Variants in GLI3 observed in about 807,000 individuals in gnomAD.
GLI3 encodes GLI family zinc finger 3.
GLI3 carries 20 observed loss-of-function variants against 100.8 expected under a neutral mutation model. That is an observed-to-expected ratio of 0.20 (90% confidence interval 0.14 to 0.29). GLI3 has a LOEUF of 0.29. GLI3 is among the 10% of genes least tolerant of loss of function. The probability of loss-of-function intolerance (pLI) is 1.00; values close to 1 mark genes in which losing one functional copy is unlikely to be tolerated. For missense variants in GLI3, 2,040 were observed against 2,128.5 expected (o/e 0.96, Z 0.82); for synonymous variants, 938 against 860.5 (o/e 1.09, Z -1.58).
chr7:42,189,994 AC>A (rs1418450283), intron 2 of GLI3, among the ~76,000 whole-genome samples: 1 of 118,694 alleles, frequency 8.4e-6, no homozygotes, highest in African/African-American at 3.3e-5. Context: ...ACACACACAC[AC>A]ACACACACAC....
intron 3 of GLI3, among the ~76,000 whole-genome samples, chr7:42,141,005 G>T (rs1279141305): frequency 1.3e-5 from 2 of 152,148 alleles, no homozygotes; most frequent in Non-Finnish European, 2.9e-5. Context: ...GTGCCATTTG[G>T]GTGGGTGCCA....
chr7:42,170,404 T>C (rs1230411219), intron 2 of GLI3, among the ~76,000 whole-genome samples: 1 of 134,070 alleles, frequency 7.5e-6, no homozygotes, highest in Admixed American at 7.4e-5. Flanking sequence ...GATCTTTTTT[T>C]TTTTTTTTTT....
At chr7:42,116,699 T>G (rs1472312924) in intron 3 of GLI3, among the ~76,000 whole-genome samples, 1 of 152,162 alleles carries the variant, frequency 6.6e-6, no homozygotes, top group Non-Finnish European at 1.5e-5. Flanking sequence ...TTGCCTCAGT[T>G]ACAGAGGTCA....
At chr7:42,239,379 A>G (rs1403939297), upstream of GLI3, among the ~76,000 whole-genome samples, 1 of 152,204 alleles carries the variant, frequency 6.6e-6, no homozygotes, top group Non-Finnish European at 1.5e-5. Flanking sequence ...AATACATGGA[A>G]AAGTATAGAG....
At chr7:42,113,853 G>A (rs1469743833) in intron 3 of GLI3, among the ~76,000 whole-genome samples, 1 of 152,174 alleles carries the variant, frequency 6.6e-6, no homozygotes, top group Non-Finnish European at 1.5e-5. Flanking sequence ...TTCTAGTTCT[G>A]AGAGACTTCC....
rs1235124355 is a variant in GLI3, at chr7:42,023,459, T to C, written c.1497+9A>G. ...TGTAAAGCTCGGTTCCTGAATACCA[T>C]CCACTTACGTGCACAAGCTGCTCTT... On this transcript the variant is annotated intron_variant, in intron 10 of 14. Coordinates refer to ENST00000395925, the MANE Select transcript of GLI3 (RefSeq NM_000168.6). 16 of 1,614,086 alleles carry C rather than the reference T, an allele frequency of 9.9e-6. No homozygotes were observed. Among genetic ancestry groups the C allele is most frequent in the Non-Finnish European group, 1.3e-5 (15 of 1,179,928 alleles).
chr7:42,197,662 T>C (rs1787954624), intron 2 of GLI3, among the ~76,000 whole-genome samples: 1 of 152,198 alleles, frequency 6.6e-6, no homozygotes, highest in African/African-American at 2.4e-5. Flanking sequence ...TTCACCACTT[T>C]GCTATGTTCC....
rs780215756 is a variant in GLI3, at chr7:42,040,109, C to T, written c.957G>A (p.Thr319=). The T allele has an allele frequency of 9.3e-6, 15 of 1,613,942 alleles. No individual in the cohort carries two copies. Among genetic ancestry groups the T allele is most frequent in the Middle Eastern group, 3.3e-4 (2 of 6,082 alleles). Reference sequence around the variant, plus strand: ...AGCTGCTACGGGAATTATTGAGAATCGTGACCAAGGAGTTGGGAGACGTCC... The same window carrying T: ...AGCTGCTACGGGAATTATTGAGAATTGTGACCAAGGAGTTGGGAGACGTCC... ...MIRTSPNSLV[T]ILNNSRSSSS... Residue 319 remains threonine, a synonymous_variant, in exon 7 of 15, where the codon ACG becomes ACA. Transcript: ENST00000395925.
In GLI3 at chr7:41,965,971, C is replaced by A. The variant is rs1268309798; in HGVS notation, c.3102G>T (p.Ala1034=). 2.5e-6 allele frequency: 4 copies of A among 1,608,346 alleles called. No individual in the cohort carries two copies. The Admixed American group carries it at 5.0e-5, about 20-fold the overall frequency. The part of the protein sequence containing the change: ...FSSLSSCNPP[A]MATSAEKRSL... Reference sequence around the variant, plus strand: ...TGCGCTTCTCCGCGGACGTGGCCATCGCCGGGGGGTTGCAGCTGCTGAGGC... The same window carrying A: ...TGCGCTTCTCCGCGGACGTGGCCATAGCCGGGGGGTTGCAGCTGCTGAGGC... Residue 1034 remains alanine, a synonymous_variant, in exon 15 of 15, where the codon GCG becomes GCT. Transcript: ENST00000395925.
At chr7:41,970,199 G>A (rs1440707165) in intron 13 of GLI3, among the ~76,000 whole-genome samples, 2 of 152,062 alleles carry the variant, frequency 1.3e-5, no homozygotes, top group African/African-American at 4.8e-5. Flanking sequence ...AAGACATTTA[G>A]GAGCATTAGA....
At chr7:42,057,434 T>G (rs547811050) in intron 4 of GLI3, among the ~76,000 whole-genome samples, 1 of 152,352 alleles carries the variant, frequency 6.6e-6, no homozygotes, top group South Asian at 2.1e-4. Context: ...CATTGGGTAC[T>G]TGCACAAATT....
chr7:42,187,627 C>T (rs921455340), intron 2 of GLI3, among the ~76,000 whole-genome samples: 1 of 152,120 alleles, frequency 6.6e-6, no homozygotes, highest in Admixed American at 6.5e-5. Context: ...TATATGGAAA[C>T]AGCATCTTTG....
In GLI3 at chr7:41,964,247, T is replaced by C. The variant is rs1787092887; in HGVS notation, c.*83A>G. 2 of 1,231,614 alleles carry C rather than the reference T, an allele frequency of 1.6e-6. No homozygotes were observed. The highest frequency in any genetic ancestry group is 3.0e-5 in the African/African-American group (2 of 67,390). The allele number at this position is 1,231,614 out of a possible 1,614,324, so 76.3% of individuals were successfully genotyped here. A position where few individuals can be genotyped will look rare whatever the true frequency, so the allele number is the denominator to read the frequency against. On this transcript the variant is annotated 3_prime_UTR_variant, in exon 15 of 15. Transcript: ENST00000395925. ...GAGATTGCTAAAATACATACAGAACTAAAAAAACAGCCAAAACAAAGTCAG... is the reference window on the plus strand; with the variant it reads ...GAGATTGCTAAAATACATACAGAACCAAAAAAACAGCCAAAACAAAGTCAG...
intron 4 of GLI3, among the ~76,000 whole-genome samples, chr7:42,058,768 G>A (rs1443023486): frequency 6.6e-6 from 1 of 152,192 alleles, no homozygotes; most frequent in Non-Finnish European, 1.5e-5. Context: ...AAGTATCACT[G>A]TACAAGAGCA....
chr7:42,159,614 C>T (rs1475257655), intron 2 of GLI3, among the ~76,000 whole-genome samples: 1 of 152,170 alleles, frequency 6.6e-6, no homozygotes. Flanking sequence ...AGATATATTT[C>T]CATCCATGCG....
intron 3 of GLI3, among the ~76,000 whole-genome samples, chr7:42,090,855 C>T (rs1171231877): frequency 7.2e-5 from 11 of 152,220 alleles, no homozygotes; most frequent in African/African-American, 2.7e-4. Flanking sequence ...TTGCTTATAC[C>T]ACATGACAAT....
At chr7:42,256,259 G>T (rs1159553461) in intron 1 of GLI3, among the ~76,000 whole-genome samples, 1 of 151,062 alleles carries the variant, frequency 6.6e-6, no homozygotes, top group African/African-American at 2.4e-5. Context: ...TTTTTTATCA[G>T]TTGAAGCACA....
chr7:42,075,917 A>G (rs7793034), intron 4 of GLI3, among the ~76,000 whole-genome samples: 74,676 of 152,086 alleles, frequency 0.49, 18,604 homozygotes, highest in East Asian at 0.55. Flanking sequence ...GCAATCTACC[A>G]TCTGAATAAC....
intron 10 of GLI3, among the ~76,000 whole-genome samples, chr7:42,021,315 C>T (rs1248364247): frequency 6.6e-6 from 1 of 152,112 alleles, no homozygotes; most frequent in Non-Finnish European, 1.5e-5. Context: ...TGAATTTCTT[C>T]TGGTTAATCT....
Sources: gnomAD v4.1 joint callset for allele counts (sites outside exome capture counted in the v4.1 genomes callset) on GRCh38, gnomAD v4.1.1 for gene constraint, MANE v1.5 for transcripts, NCBI Gene and HGNC (gene_info 2026-07-23, HGNC 2026-07-21) for gene names.